Variants in WDR70 observed in about 807,000 individuals in gnomAD.
WDR70 encodes the protein WD repeat-containing protein 70.
In WDR70, 53 loss-of-function variants were observed where a neutral mutation model predicts 88.6. The observed-to-expected ratio is 0.60, with a 90% CI of 0.48 to 0.75. The LOEUF is 0.75. WDR70 is among the 30% of genes least tolerant of loss of function. The pLI is 0.00. For missense variants in WDR70, 610 were observed against 823.2 expected, an observed-to-expected ratio of 0.74 and a Z score of 3.17; for synonymous variants, 280 against 270.0, an observed-to-expected ratio of 1.04 and a Z score of -0.36.
intron 8 of WDR70, among the ~76,000 whole-genome samples, chr5:37,510,338 G>A (rs1435017367): frequency 6.6e-6 from 1 of 151,942 alleles, no homozygotes; most frequent in Non-Finnish European, 1.5e-5. Context: ...ATATGCATAT[G>A]CATATAAATT....
intron 10 of WDR70, among the ~76,000 whole-genome samples, chr5:37,614,321 A>G (rs1484118884): frequency 1.3e-5 from 2 of 152,126 alleles, no homozygotes; most frequent in Non-Finnish European, 2.9e-5. Context: ...GCCACTTTTT[A>G]AAGACCCCTG....
chr5:37,393,717 G>T (rs1444007285), intron 4 of WDR70, among the ~76,000 whole-genome samples: 1 of 151,954 alleles, frequency 6.6e-6, no homozygotes, highest in Non-Finnish European at 1.5e-5. Context: ...GTTTCACTCG[G>T]TCACCCAGGC....
chr5:37,744,562 A>G (rs1307738617), intron 17 of WDR70, among the ~76,000 whole-genome samples: 1 of 152,034 alleles, frequency 6.6e-6, no homozygotes, highest in African/African-American at 2.4e-5. Flanking sequence ...TTGCTAAACT[A>G]GAATAACCAG....
intron 13 of WDR70, among the ~76,000 whole-genome samples, chr5:37,713,199 A>C (rs1439867369): frequency 2.6e-5 from 4 of 152,210 alleles, no homozygotes; most frequent in African/African-American, 9.6e-5. Flanking sequence ...ACAGGGTGAG[A>C]TGAAGGGCCA....
intron 9 of WDR70, among the ~76,000 whole-genome samples, chr5:37,538,528 T>G (rs1741729189): frequency 6.6e-6 from 1 of 152,184 alleles, no homozygotes; most frequent in Admixed American, 6.5e-5. Flanking sequence ...GAGAAACTAT[T>G]CCAGTGAAGG....
intron 10 of WDR70, among the ~76,000 whole-genome samples, chr5:37,633,602 C>T (rs1744876827): frequency 1.3e-5 from 2 of 151,882 alleles, no homozygotes; most frequent in African/African-American, 4.8e-5. Flanking sequence ...TGAGTTAAAA[C>T]ATATGGAGAT....
At chr5:37,396,721 C>A in intron 5 of WDR70, 151 bp downstream of exon 5, 1 of 1,329,486 alleles carries the variant, frequency 7.5e-7, no homozygotes, top group Non-Finnish European at 9.8e-7. Flanking sequence ...ATCCCAGTTA[C>A]TTGGAAGGCT....
rs988463446 is a variant in WDR70, at chr5:37,721,560, A to G, written c.1517+345A>G. The G allele has an allele frequency of 1.3e-4, 28 of 212,008 alleles. 1 individual carries two copies. In the South Asian group the frequency reaches 3.3e-3, roughly 25 times the overall value. The allele number at this position is 212,008 out of a possible 1,614,324, so 13.1% of individuals were successfully genotyped here. On this transcript the variant is annotated intron_variant, in intron 14 of 17. Coordinates refer to ENST00000265107, the MANE Select transcript of WDR70 (RefSeq NM_018034.4). ...TGTAAGAGATTTAACAAAGCAGGGAACTAACCACTTACAGGAAATGGAATC... is the reference window on the plus strand; with the variant it reads ...TGTAAGAGATTTAACAAAGCAGGGAGCTAACCACTTACAGGAAATGGAATC...
Position 37,381,698 on chromosome 5 carries a change from GAT to G in WDR70, c.175+16_175+17del. 6.2e-7 allele frequency: 1 copy of G among 1,606,518 alleles called. No homozygotes were observed. Among genetic ancestry groups the G allele is most frequent in the Admixed American group, 1.7e-5 (1 of 59,794 alleles). On this transcript the variant is annotated intron_variant, in intron 3 of 17. Coordinates refer to ENST00000265107, the MANE Select transcript of WDR70 (RefSeq NM_018034.4). ...CGCAAAACACTGGGTAAGAAGCTCA[GAT>G]ATTTGTTCTTTTATTGGTTTAAGTA...
chr5:37,467,100 G>A (rs980027494), intron 7 of WDR70, among the ~76,000 whole-genome samples: 7 of 151,710 alleles, frequency 4.6e-5, no homozygotes, highest in Non-Finnish European at 8.8e-5. Context: ...GGTGGTGCAC[G>A]CCTGTAGTCT....
At chr5:37,470,847 G>T (rs138418936) in intron 7 of WDR70, among the ~76,000 whole-genome samples, 2 of 151,680 alleles carry the variant, frequency 1.3e-5, no homozygotes, top group African/African-American at 4.8e-5. Flanking sequence ...TAGTGGAATT[G>T]CTAGGTCATT....
At chr5:37,421,904 G>T (rs781762742) in intron 5 of WDR70, among the ~76,000 whole-genome samples, 1 of 151,666 alleles carries the variant, frequency 6.6e-6, no homozygotes, top group Non-Finnish European at 1.5e-5. Flanking sequence ...CCTCTCTCTT[G>T]GTGGTTGTAA....
intron 13 of WDR70, among the ~76,000 whole-genome samples, chr5:37,718,045 T>C (rs1383879622): frequency 2.0e-5 from 3 of 152,210 alleles, no homozygotes; most frequent in African/African-American, 7.2e-5. Flanking sequence ...CCACAGTGCA[T>C]GGGGCTCTGG....
At chr5:37,564,537 C>T (rs574344012) in intron 9 of WDR70, among the ~76,000 whole-genome samples, 89 of 137,376 alleles carry the variant, frequency 6.5e-4, no homozygotes, top group Non-Finnish European at 1.3e-3. Flanking sequence ...GAGAGGGAGA[C>T]GGTGGGGAGA....
At chr5:37,447,626 T>C (rs1738543174) in intron 7 of WDR70, among the ~76,000 whole-genome samples, 2 of 152,234 alleles carry the variant, frequency 1.3e-5, no homozygotes, top group South Asian at 4.1e-4. Flanking sequence ...GATGAGTTCA[T>C]GTCATTTGTA....
intron 8 of WDR70, among the ~76,000 whole-genome samples, chr5:37,502,848 G>T (rs1394476062): frequency 6.6e-6 from 1 of 152,138 alleles, no homozygotes; most frequent in African/African-American, 2.4e-5. Context: ...ACTTTTAAAT[G>T]ACCAGATCTT....
At chr5:37,528,518 T>G (rs1332168051) in intron 9 of WDR70, among the ~76,000 whole-genome samples, 2 of 152,106 alleles carry the variant, frequency 1.3e-5, no homozygotes, top group African/African-American at 4.8e-5. Flanking sequence ...TTAGGAGATA[T>G]ACCTAATGTA....
chr5:37,513,423 AAAGG>A (rs1321506986), intron 8 of WDR70, among the ~76,000 whole-genome samples: 1 of 152,198 alleles, frequency 6.6e-6, no homozygotes, highest in East Asian at 1.9e-4. Context: ...GGAGGAACTG[AAAGG>A]AAGGAAGTGG....
At chr5:37,674,919 G>A (rs1411570259) in intron 10 of WDR70, among the ~76,000 whole-genome samples, 17 of 151,402 alleles carry the variant, frequency 1.1e-4, no homozygotes, top group Non-Finnish European at 2.1e-4. Context: ...TTTAATGATT[G>A]CCATTCTAAC....
Sources: gnomAD v4.1 joint callset for allele counts (sites outside exome capture counted in the v4.1 genomes callset) on GRCh38, gnomAD v4.1.1 for gene constraint, MANE v1.5 for transcripts, NCBI Gene and HGNC (gene_info 2026-07-23, HGNC 2026-07-21) for gene names.